The following KCNB2 variants were observed in gnomAD, a reference collection of about 807,000 sequenced individuals.
The protein encoded by KCNB2 is delayed rectifier potassium channel protein.
A neutral mutation model predicts 61.5 loss-of-function variants in KCNB2; 15 were observed. The observed-to-expected ratio is 0.24, with a 90% CI of 0.16 to 0.38. The LOEUF (loss-of-function observed/expected upper bound fraction) is 0.38. Among genes scored for constraint, KCNB2 ranks in the 10% least tolerant of loss-of-function variants. The probability of loss-of-function intolerance (pLI) is 1.00; values close to 1 mark genes in which losing one functional copy is unlikely to be tolerated. For synonymous variants in KCNB2, 457 were observed against 446.0 expected (o/e 1.02, Z -0.31); for missense variants, 828 against 1,125.2 (o/e 0.74, Z 3.78).
intron 2 of KCNB2, among the ~76,000 whole-genome samples, chr8:72,711,085 C>A (rs1807318291): frequency 1.3e-5 from 2 of 152,240 alleles, no homozygotes. Context: ...GCTCTCACTG[C>A]AGGACCCTGA....
chr8:72,738,338 G>A (rs1480997105), intron 2 of KCNB2, among the ~76,000 whole-genome samples: 4 of 81,708 alleles, frequency 4.9e-5, no homozygotes, highest in African/African-American at 1.9e-4. Flanking sequence ...AACTTACCCT[G>A]AACTCTGACT....
At chr8:72,856,009 A>T (rs1280810447) in intron 2 of KCNB2, among the ~76,000 whole-genome samples, 1 of 152,234 alleles carries the variant, frequency 6.6e-6, no homozygotes, top group East Asian at 1.9e-4. Flanking sequence ...GAATAACAAG[A>T]AAACAAGTCT....
chr8:72,695,053 C>G (rs1161928381), intron 2 of KCNB2, among the ~76,000 whole-genome samples: 1 of 151,970 alleles, frequency 6.6e-6, no homozygotes, highest in Non-Finnish European at 1.5e-5. Flanking sequence ...TCATTATATG[C>G]CTGTATTCCC....
intron 2 of KCNB2, among the ~76,000 whole-genome samples, chr8:72,635,725 G>A (rs1324327690): frequency 1.3e-5 from 2 of 152,146 alleles, no homozygotes; most frequent in African/African-American, 4.8e-5. Context: ...TTGGTGTGTG[G>A]CATATAAAGA....
intron 2 of KCNB2, among the ~76,000 whole-genome samples, chr8:72,893,636 T>A (rs190446554): frequency 4.6e-5 from 7 of 152,312 alleles, no homozygotes; most frequent in Non-Finnish European, 1.0e-4. Context: ...TTATCCCATC[T>A]TTTTTTGGCC....
intron 2 of KCNB2, among the ~76,000 whole-genome samples, chr8:72,907,087 G>T (rs1322936286): frequency 6.6e-6 from 1 of 152,138 alleles, no homozygotes; most frequent in African/African-American, 2.4e-5. Context: ...GGCTGTGCAC[G>T]TTGGCGCACA....
chr8:72,890,642 G>C (rs918536471), intron 2 of KCNB2, among the ~76,000 whole-genome samples: 4 of 152,150 alleles, frequency 2.6e-5, no homozygotes, highest in African/African-American at 9.7e-5. Flanking sequence ...TTGCCTACAG[G>C]GGGCATTATT....
intron 2 of KCNB2, among the ~76,000 whole-genome samples, chr8:72,870,324 G>T (rs1414708769): frequency 6.6e-6 from 1 of 152,098 alleles, no homozygotes; most frequent in Non-Finnish European, 1.5e-5. Context: ...TGTTAAGAGG[G>T]TAGATCTCAA....
At chr8:72,689,749 G>A (rs1377076691) in intron 2 of KCNB2, among the ~76,000 whole-genome samples, 3 of 151,964 alleles carry the variant, frequency 2.0e-5, no homozygotes, top group East Asian at 1.9e-4. Context: ...TTTATTACCC[G>A]ATAGCATTCC....
At chr8:72,546,007 G>A (rs1236220169) in intron 1 of KCNB2, among the ~76,000 whole-genome samples, 7 of 152,144 alleles carry the variant, frequency 4.6e-5, no homozygotes, top group Admixed American at 2.6e-4. Flanking sequence ...AAGGCTGAGA[G>A]AAGTGAGTTT....
chr8:72,896,136 G>A (rs16938469), intron 2 of KCNB2, among the ~76,000 whole-genome samples: 6,051 of 152,142 alleles, frequency 0.04, 402 homozygotes, highest in African/African-American at 0.14. Context: ...AAGAAAGTTA[G>A]CTCAGGAAAT....
Position 72,568,191 on chromosome 8 carries a change from A to T in KCNB2, c.457A>T (p.Arg153Trp). ...AAAAGAACAAATGAACGAAGAACTG[A>T]GGCGAGAGGCAGAGACTATGCGAGA... ...QKKEQMNEEL[R>W]REAETMRERE... Residue 153 changes from arginine to tryptophan, a missense_variant, in exon 2 of 3, where the codon AGG becomes TGG. Coordinates refer to ENST00000523207, the MANE Select transcript of KCNB2 (RefSeq NM_004770.3). The T allele has an allele frequency of 6.2e-7, 1 of 1,614,170 alleles. No individual in the cohort carries two copies. Among genetic ancestry groups the T allele is most frequent in the South Asian group, 1.1e-5 (1 of 91,088 alleles).
chr8:72,854,262 C>T (rs761877723), intron 2 of KCNB2, among the ~76,000 whole-genome samples: 14 of 152,216 alleles, frequency 9.2e-5, no homozygotes, highest in Non-Finnish European at 1.8e-4. Flanking sequence ...ATGAGTAAAA[C>T]CTCACGTTCT....
At chr8:72,854,768 G>A (rs1297631025) in intron 2 of KCNB2, among the ~76,000 whole-genome samples, 2 of 152,008 alleles carry the variant, frequency 1.3e-5, no homozygotes, top group Non-Finnish European at 2.9e-5. Flanking sequence ...AGCATTCCAA[G>A]CAGAAATAGT....
At chr8:72,736,933 T>C (rs1807855876) in intron 2 of KCNB2, among the ~76,000 whole-genome samples, 1 of 152,130 alleles carries the variant, frequency 6.6e-6, no homozygotes, top group Non-Finnish European at 1.5e-5. Context: ...TATATAAATA[T>C]TTTTCTATCC....
intron 1 of KCNB2, among the ~76,000 whole-genome samples, chr8:72,558,409 C>T (rs977994322): frequency 5.9e-5 from 9 of 152,316 alleles, no homozygotes; most frequent in Admixed American, 4.6e-4. Context: ...ATAAAACAAA[C>T]TTCTAACCCA....
chr8:72,922,476 G>A (rs1270129859), intron 2 of KCNB2, among the ~76,000 whole-genome samples: 4 of 152,196 alleles, frequency 2.6e-5, no homozygotes, highest in Admixed American at 6.5e-5. Flanking sequence ...AGTTCTGAAG[G>A]CTGGAAATTC....
intron 2 of KCNB2, among the ~76,000 whole-genome samples, chr8:72,653,765 C>T (rs568410176): frequency 1.1e-4 from 16 of 152,272 alleles, no homozygotes; most frequent in African/African-American, 2.9e-4. Flanking sequence ...GCCTAAAGTA[C>T]GTGCTAGCTG....
chr8:72,675,968 T>C (rs1806647300), intron 2 of KCNB2, among the ~76,000 whole-genome samples: 1 of 151,028 alleles, frequency 6.6e-6, no homozygotes, highest in Admixed American at 6.6e-5. Context: ...TGTGAGTGCA[T>C]TGGAGAAGAA....
Sources: allele counts gnomAD v4.1 joint callset (sites outside exome capture counted in the v4.1 genomes callset), GRCh38; gene constraint gnomAD v4.1.1; transcripts MANE v1.5; gene names NCBI Gene and HGNC (gene_info 2026-07-23, HGNC 2026-07-21).